The following CNGA1 variants were observed in gnomAD, a reference collection of about 807,000 sequenced individuals.
The protein encoded by CNGA1 is cyclic nucleotide gated channel subunit alpha 1, also known as cyclic nucleotide-gated channel alpha-1.
CNGA1 carries 53 observed loss-of-function variants against 69.7 expected under a neutral mutation model. The ratio of observed to expected loss-of-function variants is 0.76; its 90% CI spans 0.61 to 0.96. The LOEUF (loss-of-function observed/expected upper bound fraction) is 0.96. Ranked by LOEUF, CNGA1 falls within the 40% of genes least tolerant of loss-of-function variation. CNGA1 has a pLI of 0.00. For synonymous variants in CNGA1, 249 were observed against 283.5 expected, an observed-to-expected ratio of 0.88 and a Z score of 1.22; for missense variants, 739 against 811.2, an observed-to-expected ratio of 0.91 and a Z score of 1.08.
intron 6 of CNGA1, among the ~76,000 whole-genome samples, chr4:47,945,255 G>C (rs1057127212): frequency 3.3e-5 from 5 of 152,074 alleles, no homozygotes; most frequent in African/African-American, 9.7e-5. Flanking sequence ...CCTTTGAACA[G>C]TTCCAGACCT....
chr4:47,955,170 T>C (rs1312903829), intron 3 of CNGA1, among the ~76,000 whole-genome samples: 9 of 114,494 alleles, frequency 7.9e-5, no homozygotes, highest in South Asian at 3.0e-4. Flanking sequence ...TCTTTTTTCT[T>C]TTCTTTTTTT....
chr4:47,961,830 T>G (rs1740457101), intron 3 of CNGA1, among the ~76,000 whole-genome samples: 1 of 152,218 alleles, frequency 6.6e-6, no homozygotes, highest in Admixed American at 6.5e-5. Context: ...GATTTTAAAC[T>G]TTATTTAATT....
chr4:47,940,097 C>T (rs1268760635), intron 10 of CNGA1, among the ~76,000 whole-genome samples: 3 of 152,202 alleles, frequency 2.0e-5, no homozygotes, highest in Non-Finnish European at 4.4e-5. Flanking sequence ...ATACATTACA[C>T]TAGGAAAGGG....
chr4:47,971,668 C>A (rs140652892), intron 3 of CNGA1, among the ~76,000 whole-genome samples: 72 of 152,012 alleles, frequency 4.7e-4, no homozygotes, highest in Non-Finnish European at 1.8e-4. Context: ...CCAAGGTGGG[C>A]GGATCATTTG....
chr4:47,941,492 T>C (rs1171559929), intron 9 of CNGA1, among the ~76,000 whole-genome samples: 2 of 152,210 alleles, frequency 1.3e-5, no homozygotes, highest in African/African-American at 4.8e-5. Context: ...TCCTTGATCT[T>C]TTTCCACTAT....
intron 3 of CNGA1, chr4:47,971,168 T>TTGTG (rs34771990): frequency 0.024 from 9,114 of 384,792 alleles, 313 homozygotes; most frequent in East Asian, 0.2. Context: ...ATATCTATAT[T>TTGTG]TGTGTGTGTG....
intron 2 of CNGA1, among the ~76,000 whole-genome samples, chr4:47,983,604 CA>C (rs1483679572): frequency 6.7e-6 from 1 of 148,508 alleles, no homozygotes; most frequent in African/African-American, 2.5e-5. Flanking sequence ...ACAACAACAA[CA>C]AAAAAAAAGT....
chr4:47,953,768 C>T (rs188199237), intron 3 of CNGA1, among the ~76,000 whole-genome samples: 3 of 152,248 alleles, frequency 2.0e-5, no homozygotes, highest in Admixed American at 2.0e-4. Context: ...TCATGGTCCT[C>T]AGGAAGGATC....
chr4:47,991,814 T>G (rs1742282638), intron 2 of CNGA1, among the ~76,000 whole-genome samples: 1 of 152,238 alleles, frequency 6.6e-6, no homozygotes. Context: ...TAGGTTTAAG[T>G]CTTTAATCCA....
At chr4:47,995,829 C>T (rs1357264594) in intron 2 of CNGA1, among the ~76,000 whole-genome samples, 1 of 152,156 alleles carries the variant, frequency 6.6e-6, no homozygotes, top group East Asian at 1.9e-4. Context: ...TTTTGCCCCA[C>T]AGGGTGTTCC....
intron 5 of CNGA1, among the ~76,000 whole-genome samples, chr4:47,950,423 C>A (rs113806842): frequency 2.6e-4 from 39 of 152,320 alleles, no homozygotes; most frequent in African/African-American, 9.4e-4. Context: ...CAGTAAGCCT[C>A]TTTTTCTTTA....
rs1323747794 is a variant in CNGA1 at position 47,942,086 on chromosome 4, C to A, written c.500G>T (p.Cys167Phe). 6.2e-7 allele frequency: 1 copy of A among 1,613,300 alleles called. No individual in the cohort carries two copies. The highest frequency in any genetic ancestry group is 8.5e-7 in the Non-Finnish European group (1 of 1,179,790). The change falls in exon 9 of 11, where the codon TGC (cysteine) becomes TTC (phenylalanine). Residue 167 changes from cysteine to phenylalanine, a missense_variant. Transcript: ENST00000514170. ...GTTGTACATAACAGGTAATGTGATG[C>A]AAAACAGCCAGTTGTAATATGTGTT... ...SGNTYYNWLF[C>F]ITLPVMYNWT...
chr4:47,971,083 C>CG, intron 3 of CNGA1: 1 of 450,544 alleles, frequency 2.2e-6, no homozygotes, highest in Non-Finnish European at 4.4e-6. Flanking sequence ...CCAGCCTGGG[C>CG]GAAGAGCGAG....
At chr4:47,972,919 C>T (rs1467661847) in intron 3 of CNGA1, among the ~76,000 whole-genome samples, 1 of 152,094 alleles carries the variant, frequency 6.6e-6, no homozygotes, top group African/African-American at 2.4e-5. Context: ...AGCCATTTCA[C>T]AACAAATATT....
chr4:48,007,106 T>C (rs1180360487), intron 2 of CNGA1, among the ~76,000 whole-genome samples: 1 of 152,170 alleles, frequency 6.6e-6, no homozygotes, highest in East Asian at 1.9e-4. Context: ...CTTAACTTTC[T>C]AAACAATTAG....
intron 3 of CNGA1, among the ~76,000 whole-genome samples, chr4:47,979,471 G>A (rs1201212266): frequency 6.6e-6 from 1 of 152,104 alleles, no homozygotes; most frequent in Non-Finnish European, 1.5e-5. Flanking sequence ...TAGTAGCCCA[G>A]ATACCACATA....
intron 10 of CNGA1, among the ~76,000 whole-genome samples, chr4:47,940,049 G>A (rs972157321): frequency 1.3e-5 from 2 of 152,042 alleles, no homozygotes; most frequent in African/African-American, 4.8e-5. Flanking sequence ...CTGTTACCAT[G>A]GGCTTGTGTG....
rs769489990 is a variant in CNGA1, at chr4:47,943,213, C to CT, written c.404dup (p.Lys136GlufsTer8). ...TCTTATCTTTGCTTTTCTCCTCTTT[C>CT]TTTTTCTTCTCTTTGTCCTTTTTCT... On this transcript the variant is annotated frameshift_variant, in exon 8 of 11. Coordinates refer to ENST00000514170, the MANE Select transcript of CNGA1 (RefSeq NM_001379270.1). LOFTEE classifies it high-confidence loss of function. The CT allele has an allele frequency of 6.2e-7, 1 of 1,607,538 alleles. No individual in the cohort carries two copies. Among genetic ancestry groups the CT allele is most frequent in the South Asian group, 1.1e-5 (1 of 90,192 alleles).
At chr4:47,963,255 A>C (rs1486220183) in intron 3 of CNGA1, among the ~76,000 whole-genome samples, 1 of 152,218 alleles carries the variant, frequency 6.6e-6, no homozygotes, top group Non-Finnish European at 1.5e-5. Flanking sequence ...CAAGCCAATA[A>C]CTGGATTTTA....
Sources: allele counts gnomAD v4.1 joint callset (sites outside exome capture counted in the v4.1 genomes callset), GRCh38; gene constraint gnomAD v4.1.1; transcripts MANE v1.5; gene names NCBI Gene and HGNC (gene_info 2026-07-23, HGNC 2026-07-21).